The following SORCS3 variants were observed in gnomAD, a reference collection of about 807,000 sequenced individuals.
The protein encoded by SORCS3 is VPS10 domain-containing receptor SorCS3.
Under a neutral mutation model 146.3 loss-of-function variants are expected in SORCS3, and 57 were observed. The ratio of observed to expected loss-of-function variants is 0.39; its 90% CI spans 0.31 to 0.49. SORCS3 has a LOEUF of 0.49. Among genes scored for constraint, SORCS3 ranks in the 20% least tolerant of loss-of-function variants. SORCS3 has a pLI of 0.92. For missense variants in SORCS3, 1,341 were observed against 1,575.5 expected (o/e 0.85, Z 2.52); for synonymous variants, 653 against 618.5 (o/e 1.06, Z -0.83).
At chr10:105,055,710 C>T (rs183383102) in intron 5 of SORCS3, among the ~76,000 whole-genome samples, 89 of 152,292 alleles carry the variant, frequency 5.8e-4, no homozygotes, top group Non-Finnish European at 1.1e-3. Flanking sequence ...AAAGCATCTG[C>T]ACTTTTTTTC....
chr10:104,940,236 ATATTTTTTTTTTT>A (rs1231511141), intron 3 of SORCS3, among the ~76,000 whole-genome samples: 2 of 23,612 alleles, frequency 8.5e-5, no homozygotes, highest in African/African-American at 2.6e-4. Flanking sequence ...ATATATATAT[ATATTTTTTTTTTT>A]TTTTTTATTA....
chr10:104,677,309 T>C (rs965940592), intron 1 of SORCS3, among the ~76,000 whole-genome samples: 1 of 152,224 alleles, frequency 6.6e-6, no homozygotes, highest in East Asian at 1.9e-4. Flanking sequence ...CTTTCTCTTT[T>C]GCAAAGTCTA....
intron 12 of SORCS3, among the ~76,000 whole-genome samples, chr10:105,166,515 C>T (rs936161091): frequency 9.7e-4 from 147 of 152,104 alleles, no homozygotes; most frequent in African/African-American, 3.2e-3. Flanking sequence ...TCTCTTAACT[C>T]GGAACCTTGT....
At chr10:105,003,039 C>T (rs746496565) in intron 4 of SORCS3, among the ~76,000 whole-genome samples, 23 of 152,162 alleles carry the variant, frequency 1.5e-4, no homozygotes, top group Non-Finnish European at 2.6e-4. Flanking sequence ...GTTCATGCAG[C>T]TCATGCATGG....
intron 2 of SORCS3, among the ~76,000 whole-genome samples, chr10:104,895,474 C>A (rs184578829): frequency 2.0e-5 from 3 of 152,178 alleles, no homozygotes; most frequent in Non-Finnish European, 4.4e-5. Context: ...TAGAGACTTG[C>A]GTGCACTTTG....
At chr10:105,055,987 G>C (rs1194227917) in intron 5 of SORCS3, among the ~76,000 whole-genome samples, 2 of 152,272 alleles carry the variant, frequency 1.3e-5, no homozygotes, top group East Asian at 3.9e-4. Flanking sequence ...GCCAGAAATG[G>C]AAAGCACCAA....
At position 104,691,069 on chromosome 10, in the gene SORCS3, G is replaced by A. The variant is rs2016105695; in HGVS notation, c.627+49115G>A. Among the ~76,000 whole-genome samples, 4 of 152,324 alleles carry A rather than the reference G, an allele frequency of 2.6e-5. No homozygotes were observed. In the South Asian group the frequency reaches 8.3e-4, roughly 32 times the overall value. On this transcript the variant is annotated intron_variant, in intron 1 of 26. Coordinates refer to ENST00000369701, the MANE Select transcript of SORCS3 (RefSeq NM_014978.3). The stretch of plus-strand genomic sequence containing the variant: ...TGGGCTTTGCCAGCACCCGTGGGCA[G>A]CTTGTCCTGCAGTGCTGTTGCCCTC...
At chr10:105,074,614 T>C (rs1007724288) in intron 5 of SORCS3, among the ~76,000 whole-genome samples, 2 of 152,236 alleles carry the variant, frequency 1.3e-5, no homozygotes, top group Non-Finnish European at 2.9e-5. Flanking sequence ...GGGGCTACTA[T>C]GGTTATTGTC....
intron 9 of SORCS3, 124 bp downstream of exon 9, chr10:105,147,920 C>T: frequency 2.6e-6 from 2 of 773,044 alleles, no homozygotes; most frequent in South Asian, 4.2e-5. Context: ...AATTGTATGA[C>T]TTTGGGCAAG....
chr10:105,199,866 G>A lies in SORCS3; in HGVS notation c.2010-133G>A, dbSNP rs144639668. 2.1e-5 allele frequency: 14 copies of A among 670,592 alleles called. No individual in the cohort carries two copies. The East Asian group carries it at 3.4e-4, about 16-fold the overall frequency. 41.5% of individuals were successfully genotyped at this position (670,592 alleles called of 1,614,324 possible). A position where few individuals can be genotyped will look rare whatever the true frequency, so the allele number is the denominator to read the frequency against. On this transcript the variant is annotated intron_variant, in intron 14 of 26. Coordinates refer to ENST00000369701, the MANE Select transcript of SORCS3 (RefSeq NM_014978.3). ...GGACTTTCTCCTTAATGGCCCTCAA[G>A]GAACTCACTTTGGAAGAATAACTAA...
intron 1 of SORCS3, among the ~76,000 whole-genome samples, chr10:104,684,922 A>G (rs933277786): frequency 1.0e-4 from 15 of 149,486 alleles, no homozygotes; most frequent in Admixed American, 6.7e-5. Context: ...GGTTTCAGCA[A>G]TTCTCCTGCC....
intron 7 of SORCS3, among the ~76,000 whole-genome samples, chr10:105,114,433 G>T (rs1180218890): frequency 6.6e-6 from 1 of 152,150 alleles, no homozygotes; most frequent in Non-Finnish European, 1.5e-5. Flanking sequence ...TGTTGCCTTA[G>T]CACAGAATGA....
At chr10:104,905,873 T>G (rs2018900007) in intron 2 of SORCS3, among the ~76,000 whole-genome samples, 1 of 152,138 alleles carries the variant, frequency 6.6e-6, no homozygotes, top group Non-Finnish European at 1.5e-5. Flanking sequence ...GTATTTGCAT[T>G]AATTGAAAAG....
At chr10:105,035,436 T>C (rs933076559) in intron 4 of SORCS3, among the ~76,000 whole-genome samples, 2 of 151,728 alleles carry the variant, frequency 1.3e-5, no homozygotes, top group African/African-American at 2.4e-5. Context: ...TTGATACTGT[T>C]TATAAAATAC....
chr10:105,189,400 A>G (rs984487179), intron 14 of SORCS3, among the ~76,000 whole-genome samples: 2 of 152,134 alleles, frequency 1.3e-5, no homozygotes, highest in Non-Finnish European at 2.9e-5. Context: ...CACATCAAAG[A>G]TCCTCTGTCT....
At chr10:105,203,931 T>G (rs2056587717) in intron 16 of SORCS3, among the ~76,000 whole-genome samples, 1 of 152,192 alleles carries the variant, frequency 6.6e-6, no homozygotes, top group African/African-American at 2.4e-5. Flanking sequence ...AAACCAAAGC[T>G]TATACATCCA....
intron 23 of SORCS3, 29 bp downstream of exon 23, chr10:105,252,935 C>G (rs1194899075): frequency 1.9e-6 from 3 of 1,610,878 alleles, no homozygotes; most frequent in Non-Finnish European, 2.5e-6. Context: ...GGCTGGGACC[C>G]TTGCCTGCAC....
intron 13 of SORCS3, among the ~76,000 whole-genome samples, chr10:105,171,314 G>T (rs1183614432): frequency 1.3e-5 from 2 of 152,296 alleles, no homozygotes; most frequent in East Asian, 3.9e-4. Context: ...AGAACTAAGT[G>T]CTATTTCAGG....
intron 24 of SORCS3, among the ~76,000 whole-genome samples, chr10:105,256,559 T>A (rs1247377451): frequency 6.6e-6 from 1 of 152,216 alleles, no homozygotes; most frequent in Non-Finnish European, 1.5e-5. Flanking sequence ...GAGCTGGACA[T>A]ACGTTGTTCA....
Sources: gnomAD v4.1 joint callset for allele counts (sites outside exome capture counted in the v4.1 genomes callset) on GRCh38, gnomAD v4.1.1 for gene constraint, MANE v1.5 for transcripts, NCBI Gene and HGNC (gene_info 2026-07-23, HGNC 2026-07-21) for gene names.